MAD1L1: variants seen among roughly 807,000 people sequenced by gnomAD.
MAD1L1 encodes the protein mitotic arrest deficient 1 like 1, also known as mitotic spindle assembly checkpoint protein MAD1.
In MAD1L1, 95 loss-of-function variants were observed where a neutral mutation model predicts 96.9. The observed-to-expected ratio is 0.98, with a 90% CI of 0.83 to 1.16. MAD1L1 has a LOEUF of 1.16. MAD1L1 is among the 50% of genes most tolerant of loss of function. The pLI, the probability that MAD1L1 is intolerant of heterozygous loss-of-function variation, is 0.00. For synonymous variants in MAD1L1, 473 were observed against 396.6 expected (o/e 1.19, Z -2.29); for missense variants, 1,007 against 954.4 (o/e 1.06, Z -0.73).
chr7:2,073,304 G>C (rs1785223469), intron 11 of MAD1L1, among the ~76,000 whole-genome samples: 2 of 152,242 alleles, frequency 1.3e-5, no homozygotes, highest in Non-Finnish European at 2.9e-5. Flanking sequence ...GATCAAAGGG[G>C]AAGTGTGGAA....
chr7:2,058,528 A>T (rs1292097951), intron 12 of MAD1L1, among the ~76,000 whole-genome samples: 3 of 51,394 alleles, frequency 5.8e-5, no homozygotes, highest in African/African-American at 1.6e-4. Context: ...GGAGAGGCGC[A>T]GGGCTGGAGA....
At chr7:2,102,963 G>A (rs957423924) in intron 11 of MAD1L1, among the ~76,000 whole-genome samples, 18 of 152,286 alleles carry the variant, frequency 1.2e-4, no homozygotes, top group Middle Eastern at 3.4e-3. Context: ...AAACAGGTTC[G>A]GCAGAGGTGG....
chr7:2,125,885 GT>G (rs35008854), intron 11 of MAD1L1, among the ~76,000 whole-genome samples: 54,517 of 152,252 alleles, frequency 0.36, 10,525 homozygotes, highest in East Asian at 0.51. Context: ...TTACGCGTCT[GT>G]TTTAAGCGTT....
intron 18 of MAD1L1, among the ~76,000 whole-genome samples, chr7:1,857,103 C>G (rs1380571389): frequency 3.3e-5 from 5 of 152,178 alleles, no homozygotes; most frequent in Non-Finnish European, 7.4e-5. Context: ...GTCTCCCCCT[C>G]GGTGCCCGAG....
chr7:1,852,943 C>G lies in MAD1L1; in HGVS notation c.1999-36715G>C, dbSNP rs57408283. Among the ~76,000 whole-genome samples, 188 of 152,328 alleles carry G rather than the reference C, an allele frequency of 1.2e-3. 1 individual carries two copies. Among genetic ancestry groups the G allele is most frequent in the African/African-American group, 4.2e-3 (176 of 41,566 alleles). ...TCTGCATCATTTATCCGGGCCTTCA[C>G]GTGCTCCTCTAGCACGCACCAAGCA... On this transcript the variant is annotated intron_variant, in intron 18 of 18. Coordinates refer to ENST00000265854, the MANE Select transcript of MAD1L1 (RefSeq NM_001013836.2).
At chr7:1,976,474 G>C (rs192035191) in intron 15 of MAD1L1, among the ~76,000 whole-genome samples, 1 of 152,172 alleles carries the variant, frequency 6.6e-6, no homozygotes, top group Non-Finnish European at 1.5e-5. Context: ...TGGTCTTGCC[G>C]GCCTCAGGAG....
At chr7:2,008,479 A>C (rs897930955) in intron 13 of MAD1L1, among the ~76,000 whole-genome samples, 4 of 152,178 alleles carry the variant, frequency 2.6e-5, no homozygotes, top group Admixed American at 2.6e-4. Flanking sequence ...CACCTCTGAG[A>C]CAAGAGCTCC....
intron 10 of MAD1L1, among the ~76,000 whole-genome samples, chr7:2,172,021 A>G (rs1303278154): frequency 2.0e-5 from 3 of 152,198 alleles, no homozygotes; most frequent in South Asian, 4.1e-4. Flanking sequence ...TTCAGATCCC[A>G]GCCACTCATC....
chr7:2,216,061 C>T (rs889302216), intron 8 of MAD1L1, 62 bp from the exon 9 acceptor site: 251 of 1,610,334 alleles, frequency 1.6e-4, no homozygotes, highest in Middle Eastern at 8.2e-4. Flanking sequence ...GCCAAGAGCC[C>T]GGGAGCCCTG....
At position 2,222,683 on chromosome 7, in the gene MAD1L1, C is replaced by T. The variant is rs1423949682; in HGVS notation, c.363G>A (p.Glu121=). 3.7e-6 allele frequency: 6 copies of T among 1,612,530 alleles called. No homozygotes were observed. The highest frequency in any genetic ancestry group is 2.7e-5 in the African/African-American group (2 of 74,914). Residue 121 remains glutamate, a synonymous_variant, in exon 5 of 19, where the codon GAG becomes GAA. Transcript: ENST00000265854. ...RQLQEREAGA[E]EKMQEQLERN... is the part of the protein sequence containing the mutation. ...GCTCCAGCTGCTCCTGCATCTTCTC[C>T]TCCGCCCCGGCCTCCCGCTCCTGAA...
intron 18 of MAD1L1, among the ~76,000 whole-genome samples, chr7:1,867,349 C>CCG (rs1323385919): frequency 6.6e-6 from 1 of 152,080 alleles, no homozygotes; most frequent in African/African-American, 2.4e-5. Context: ...CAGGACCCCC[C>CCG]CGGAAGATGT....
In MAD1L1 at chr7:1,909,655, A is replaced by G. The variant is rs1787889082; in HGVS notation, c.1808-11265T>C. Among the ~76,000 whole-genome samples, 3 of 152,044 alleles carry G rather than the reference A, an allele frequency of 2.0e-5. No homozygotes were observed. In the South Asian group the frequency reaches 6.2e-4, roughly 32 times the overall value. Reference sequence around the variant, plus strand: ...CAGGGGCTGCCGGCCCCAAATCCAAATTCCCGGAGACCAGCCCGAGGGGCT... The same window carrying G: ...CAGGGGCTGCCGGCCCCAAATCCAAGTTCCCGGAGACCAGCCCGAGGGGCT... On this transcript the variant is annotated intron_variant, in intron 17 of 18. Coordinates refer to ENST00000265854, the MANE Select transcript of MAD1L1 (RefSeq NM_001013836.2).
intron 18 of MAD1L1, chr7:1,848,054 G>A (rs950258279): frequency 1.8e-5 from 6 of 337,606 alleles, no homozygotes; most frequent in African/African-American, 1.3e-4. Flanking sequence ...CGTGGGATGT[G>A]GTGGGACGGG....
At chr7:2,150,138 G>GTC (rs897075267) in intron 10 of MAD1L1, among the ~76,000 whole-genome samples, 1 of 152,124 alleles carries the variant, frequency 6.6e-6, no homozygotes, top group African/African-American at 2.4e-5. Flanking sequence ...AATGAGCAAC[G>GTC]GGGACCCCGA....
In MAD1L1 at chr7:1,848,590, G is replaced by C. The variant is rs1018245429; in HGVS notation, c.1999-32362C>G. On this transcript the variant is annotated intron_variant, in intron 18 of 18. Coordinates refer to ENST00000265854, the MANE Select transcript of MAD1L1 (RefSeq NM_001013836.2). Reference sequence around the variant, plus strand: ...AAGACAAGGGTCATGGGAAGGCTGTGTGAGCCCTCAAGGGGCACCATGGAC... The same window carrying C: ...AAGACAAGGGTCATGGGAAGGCTGTCTGAGCCCTCAAGGGGCACCATGGAC... 18 of 153,358 alleles carry C rather than the reference G, an allele frequency of 1.2e-4. No homozygotes were observed. In the East Asian group the frequency reaches 3.5e-3, roughly 30 times the overall value. The allele number at this position is 153,358 out of a possible 1,614,324, so 9.5% of individuals were successfully genotyped here. A position where few individuals can be genotyped will look rare whatever the true frequency, so the allele number is the denominator to read the frequency against.
intron 10 of MAD1L1, among the ~76,000 whole-genome samples, chr7:2,176,063 T>C (rs555194685): frequency 6.6e-6 from 1 of 152,284 alleles, no homozygotes; most frequent in South Asian, 2.1e-4. Flanking sequence ...AGTCTAAGGA[T>C]GAGTCTGGGT....
At chr7:2,092,738 GGTTTGTCT>G (rs560279069) in intron 11 of MAD1L1, among the ~76,000 whole-genome samples, 183 of 152,206 alleles carry the variant, frequency 1.2e-3, no homozygotes, top group Middle Eastern at 3.4e-3. Context: ...CCCATTCTGT[GGTTTGTCT>G]TTTCGTCCTC....
chr7:2,079,414 G>C (rs1215667010), intron 11 of MAD1L1, among the ~76,000 whole-genome samples: 2 of 152,200 alleles, frequency 1.3e-5, no homozygotes, highest in Non-Finnish European at 2.9e-5. Context: ...GAAGACCAAA[G>C]GCTGAAATAA....
chr7:1,971,104 G>A lies in MAD1L1; in HGVS notation c.1505+9349C>T, dbSNP rs146832602. ...GGTGTGCGAGTTCCACCTCAATACA[G>A]TGAATATCCTTAAACCCCGTCTCAG... On this transcript the variant is annotated intron_variant, in intron 15 of 18. Transcript: ENST00000265854. Among the ~76,000 whole-genome samples, 1,152 of 151,978 alleles carry A rather than the reference G, an allele frequency of 7.6e-3. 11 individuals are homozygous for A. The highest frequency in any genetic ancestry group is 0.062 in the Middle Eastern group (18 of 290).
Sources: gnomAD v4.1 joint callset for allele counts (sites outside exome capture counted in the v4.1 genomes callset) on GRCh38, gnomAD v4.1.1 for gene constraint, MANE v1.5 for transcripts, NCBI Gene and HGNC (gene_info 2026-07-23, HGNC 2026-07-21) for gene names.